Variants in AGMO observed in about 807,000 individuals in gnomAD.
AGMO encodes the protein glyceryl-ether monooxygenase.
A neutral mutation model predicts 60.2 loss-of-function variants in AGMO; 75 were observed. The ratio of observed to expected loss-of-function variants is 1.25; its 90% CI spans 1.03 to 1.51. The LOEUF (loss-of-function observed/expected upper bound fraction) is 1.51, where lower values mean the gene tolerates loss of function less well. AGMO is among the 40% of genes most tolerant of loss of function. AGMO has a pLI of 0.00. For synonymous variants in AGMO, 261 were observed against 177.1 expected, an observed-to-expected ratio of 1.47 and a Z score of -3.76; for missense variants, 763 against 525.5, an observed-to-expected ratio of 1.45 and a Z score of -4.42.
chr7:15,274,087 C>T (rs549592794), intron 12 of AGMO, among the ~76,000 whole-genome samples: 1 of 152,268 alleles, frequency 6.6e-6, no homozygotes, highest in East Asian at 1.9e-4. Context: ...ATTTGACTTC[C>T]TCTTTTCCTA....
At chr7:15,159,419 C>A in the AGMO span, among the ~76,000 whole-genome samples, 9 of 152,274 alleles carry the variant, frequency 5.9e-5, no homozygotes, top group South Asian at 2.1e-4. Flanking sequence ...GATTTCAGTT[C>A]TTCTGTTTCT....
At chr7:15,472,374 T>G (rs1168031549) in intron 3 of AGMO, among the ~76,000 whole-genome samples, 2 of 151,988 alleles carry the variant, frequency 1.3e-5, no homozygotes, top group Non-Finnish European at 2.9e-5. Context: ...TAAACTCAGA[T>G]GTATGCAATT....
chr7:15,416,005 T>C (rs910302534), intron 5 of AGMO, among the ~76,000 whole-genome samples: 2 of 151,240 alleles, frequency 1.3e-5, no homozygotes, highest in Admixed American at 6.6e-5. Context: ...GACCTTGTTG[T>C]TTGTTTTTCT....
chr7:15,413,834 A>C (rs940612343), intron 5 of AGMO, among the ~76,000 whole-genome samples: 1 of 152,162 alleles, frequency 6.6e-6, no homozygotes, highest in African/African-American at 2.4e-5. Context: ...CAGTCTGAAA[A>C]GAAATAATAA....
In AGMO at chr7:15,496,740, G is replaced by T. The variant is rs556038464; in HGVS notation, c.409+48032C>A. On this transcript the variant is annotated intron_variant, in intron 3 of 12. Coordinates refer to ENST00000342526, the MANE Select transcript of AGMO (RefSeq NM_001004320.2). ...TTGAAATATGTATAATAAAATATTG[G>T]TTACATACATGTTTTTAAAAATCTT... 5.3e-5 allele frequency among the ~76,000 whole-genome samples: 8 copies of T among 152,118 alleles called. No individual in the cohort carries two copies. In the East Asian group the frequency reaches 1.2e-3, roughly 22 times the overall value.
At chr7:15,276,289 G>A (rs1783784196) in intron 12 of AGMO, among the ~76,000 whole-genome samples, 1 of 152,000 alleles carries the variant, frequency 6.6e-6, no homozygotes, top group Non-Finnish European at 1.5e-5. Context: ...CATTTATGAT[G>A]CACAGTTTGG....
chr7:15,429,479 T>C (rs1043604845), intron 4 of AGMO, among the ~76,000 whole-genome samples: 8 of 152,044 alleles, frequency 5.3e-5, no homozygotes, highest in African/African-American at 1.9e-4. Context: ...GATCCTTTCC[T>C]AGTGTCTTTA....
At chr7:15,489,378 G>A (rs1401484553) in intron 3 of AGMO, among the ~76,000 whole-genome samples, 1 of 152,136 alleles carries the variant, frequency 6.6e-6, no homozygotes, top group Non-Finnish European at 1.5e-5. Flanking sequence ...CAGGAAAGCA[G>A]GCAGGAACTG....
intron 12 of AGMO, among the ~76,000 whole-genome samples, chr7:15,342,779 C>CAAAAAAAAAAAAAAA (rs780336320): frequency 1.6e-5 from 1 of 61,658 alleles, no homozygotes; most frequent in African/African-American, 7.4e-5. Flanking sequence ...AGTATAGCTG[C>CAAAAAAAAAAAAAAA]AAAAAAAAAA....
intron 12 of AGMO, among the ~76,000 whole-genome samples, chr7:15,254,486 A>G (rs1311971519): frequency 6.6e-6 from 1 of 152,150 alleles, no homozygotes; most frequent in Non-Finnish European, 1.5e-5. Context: ...CTTGATGGTT[A>G]GTAATGTTCA....
intron 12 of AGMO, among the ~76,000 whole-genome samples, chr7:15,358,918 C>T (rs1287416004): frequency 4.6e-5 from 7 of 152,002 alleles, no homozygotes; most frequent in South Asian, 2.1e-4. Flanking sequence ...ATGATAGAAG[C>T]GATTTTAACA....
downstream of AGMO, among the ~76,000 whole-genome samples, chr7:15,196,899 A>C (rs531336055): frequency 6.6e-6 from 1 of 152,344 alleles, no homozygotes; most frequent in South Asian, 2.1e-4. Context: ...AAGAAGGCAC[A>C]ATCTGCAAGA....
intron 3 of AGMO, among the ~76,000 whole-genome samples, chr7:15,514,745 T>C (rs1024527567): frequency 6.6e-6 from 1 of 152,202 alleles, no homozygotes; most frequent in African/African-American, 2.4e-5. Flanking sequence ...GCATGAATAA[T>C]TGAATTAAGC....
At chr7:15,204,215 C>T (rs183887578) in intron 12 of AGMO, among the ~76,000 whole-genome samples, 26 of 152,036 alleles carry the variant, frequency 1.7e-4, no homozygotes, top group African/African-American at 5.1e-4. Context: ...AATTTTAAGC[C>T]AGAAAATTAT....
At chr7:15,119,091 C>A in the AGMO span, among the ~76,000 whole-genome samples, 1 of 151,514 alleles carries the variant, frequency 6.6e-6, no homozygotes, top group African/African-American at 2.4e-5. Context: ...GCTCTGAGAG[C>A]AAGACATGAA....
chr7:15,182,997 G>A, the AGMO span, among the ~76,000 whole-genome samples: 1 of 151,984 alleles, frequency 6.6e-6, no homozygotes, highest in African/African-American at 2.4e-5. Context: ...AACACCAACA[G>A]GGGATATCCA....
At chr7:15,540,332 T>C (rs930017577) in intron 3 of AGMO, among the ~76,000 whole-genome samples, 2 of 152,172 alleles carry the variant, frequency 1.3e-5, no homozygotes, top group Middle Eastern at 3.2e-3. Flanking sequence ...GCTAGTTTTT[T>C]GGTGTGGCCC....
intron 10 of AGMO, among the ~76,000 whole-genome samples, chr7:15,379,062 T>A (rs1388585717): frequency 6.6e-6 from 1 of 151,932 alleles, no homozygotes; most frequent in Non-Finnish European, 1.5e-5. Flanking sequence ...TCTTTGAAAC[T>A]AATGAGAACA....
chr7:15,159,020 ATCTCT>A, the AGMO span, among the ~76,000 whole-genome samples: 1 of 152,086 alleles, frequency 6.6e-6, no homozygotes, highest in African/African-American at 2.4e-5. Context: ...ATATGTGTAT[ATCTCT>A]TATACACATA....
Sources: allele counts gnomAD v4.1 joint callset (sites outside exome capture counted in the v4.1 genomes callset), GRCh38; gene constraint gnomAD v4.1.1; transcripts MANE v1.5; gene names NCBI Gene and HGNC (gene_info 2026-07-23, HGNC 2026-07-21).